ARID2: variants seen among roughly 807,000 people sequenced by gnomAD.
ARID2 encodes the protein AT-rich interactive domain-containing protein 2.
In ARID2, 32 loss-of-function variants were observed where a neutral mutation model predicts 184.6. That is an observed-to-expected ratio of 0.17 (90% CI 0.13 to 0.23). The LOEUF (loss-of-function observed/expected upper bound fraction) is 0.23. Ranked by LOEUF, ARID2 falls within the 10% of genes least tolerant of loss-of-function variation. The probability of loss-of-function intolerance (pLI) is 1.00; values close to 1 mark genes in which losing one functional copy is unlikely to be tolerated. For missense variants in ARID2, 1,696 were observed against 2,197.6 expected (o/e 0.77, Z 4.56); for synonymous variants, 836 against 772.6 (o/e 1.08, Z -1.36).
intron 16 of ARID2, among the ~76,000 whole-genome samples, chr12:45,887,813 C>T (rs35123): frequency 0.15 from 22,437 of 152,122 alleles, 1,998 homozygotes; most frequent in Admixed American, 0.21. Context: ...CAGGGATTCT[C>T]TGAGGAGCCC....
intron 3 of ARID2, among the ~76,000 whole-genome samples, chr12:45,796,359 T>A (rs1942393601): frequency 6.6e-6 from 1 of 152,170 alleles, no homozygotes; most frequent in Non-Finnish European, 1.5e-5. Context: ...AAACTTAGTA[T>A]AGTAGTTCCC....
chr12:45,844,584 G>C (rs1214615848), intron 11 of ARID2, among the ~76,000 whole-genome samples: 2 of 152,140 alleles, frequency 1.3e-5, no homozygotes, highest in African/African-American at 2.4e-5. Flanking sequence ...AGGCTTCATG[G>C]ATACTAATGT....
At chr12:45,735,227 T>C (rs1941085461) in intron 3 of ARID2, among the ~76,000 whole-genome samples, 1 of 152,178 alleles carries the variant, frequency 6.6e-6, no homozygotes, top group African/African-American at 2.4e-5. Flanking sequence ...GTGTCCACCA[T>C]ATAGATCAAT....
chr12:45,807,792 C>CA (rs1339779347), intron 3 of ARID2, among the ~76,000 whole-genome samples: 1 of 152,024 alleles, frequency 6.6e-6, no homozygotes, highest in Non-Finnish European at 1.5e-5. Context: ...ATTATGTGTC[C>CA]AATACCATCT....
intron 3 of ARID2, among the ~76,000 whole-genome samples, chr12:45,805,865 A>G (rs763595206): frequency 1.3e-5 from 2 of 152,084 alleles, no homozygotes; most frequent in Non-Finnish European, 2.9e-5. Flanking sequence ...GAACTTATTC[A>G]TATTGTAGCT....
intron 3 of ARID2, among the ~76,000 whole-genome samples, chr12:45,752,309 C>T (rs1467187468): frequency 2.0e-5 from 3 of 152,154 alleles, no homozygotes; most frequent in Admixed American, 6.5e-5. Context: ...CTCTGTCTCC[C>T]CTACTAAAAT....
At chr12:45,832,210 T>C (rs1486176804) in intron 6 of ARID2, among the ~76,000 whole-genome samples, 1 of 152,224 alleles carries the variant, frequency 6.6e-6, no homozygotes, top group Non-Finnish European at 1.5e-5. Flanking sequence ...GGGTTTTGTC[T>C]GAGCACTTTA....
At chr12:45,889,475 T>C (rs1944256416) in intron 16 of ARID2, among the ~76,000 whole-genome samples, 2 of 152,226 alleles carry the variant, frequency 1.3e-5, no homozygotes, top group South Asian at 4.1e-4. Context: ...TGGAGTAGTT[T>C]TAAGAACAGT....
At chr12:45,767,681 A>G (rs964912861) in intron 3 of ARID2, among the ~76,000 whole-genome samples, 4 of 152,170 alleles carry the variant, frequency 2.6e-5, no homozygotes, top group Non-Finnish European at 5.9e-5. Flanking sequence ...AAACAAAACA[A>G]AACTCTCAGT....
chr12:45,795,725 C>T (rs781332432), intron 3 of ARID2, among the ~76,000 whole-genome samples: 2 of 152,124 alleles, frequency 1.3e-5, no homozygotes, highest in East Asian at 1.9e-4. Context: ...CGTGAGCCCC[C>T]GCGCCTGGCC....
chr12:45,906,808 A>C lies in ARID2; in HGVS notation c.*1730A>C. 1 of 232,128 alleles carries C rather than the reference A, an allele frequency of 4.3e-6. No homozygotes were observed. Among genetic ancestry groups the C allele is most frequent in the Non-Finnish European group, 8.5e-6 (1 of 117,398 alleles). 14.4% of individuals were successfully genotyped at this position (232,128 alleles called of 1,614,324 possible). A position where few individuals can be genotyped will look rare whatever the true frequency, so the allele number is the denominator to read the frequency against. On this transcript the variant is annotated 3_prime_UTR_variant, in exon 21 of 21. Coordinates refer to ENST00000334344, the MANE Select transcript of ARID2 (RefSeq NM_152641.4). ...AAATGATTGATGCAGTTAAAGCTCAATATGCCTTTTTTTACTGGATACTGT... is the reference window on the plus strand; with the variant it reads ...AAATGATTGATGCAGTTAAAGCTCACTATGCCTTTTTTTACTGGATACTGT...
At chr12:45,782,464 T>C (rs1942112027) in intron 3 of ARID2, among the ~76,000 whole-genome samples, 1 of 152,046 alleles carries the variant, frequency 6.6e-6, no homozygotes, top group Admixed American at 6.6e-5. Flanking sequence ...AAAACCCGTC[T>C]CTACTGAAAA....
intron 16 of ARID2, among the ~76,000 whole-genome samples, chr12:45,875,783 T>C (rs1943999950): frequency 6.6e-6 from 1 of 152,224 alleles, no homozygotes; most frequent in South Asian, 2.1e-4. Flanking sequence ...TTCTGCAGCT[T>C]CTCTACCTCT....
chr12:45,829,492 AGTAT>A (rs1405660552), intron 6 of ARID2, among the ~76,000 whole-genome samples: 1 of 151,618 alleles, frequency 6.6e-6, no homozygotes, highest in Non-Finnish European at 1.5e-5. Context: ...CTCCCTTCTG[AGTAT>A]GTGTTTTTTT....
chr12:45,844,994 T>C (rs1207284734), intron 11 of ARID2, among the ~76,000 whole-genome samples: 1 of 152,176 alleles, frequency 6.6e-6, no homozygotes, highest in African/African-American at 2.4e-5. Context: ...ATCTGGAAAT[T>C]GATTCAAAGT....
At chr12:45,816,900 GA>G (rs1942813527) in intron 4 of ARID2, among the ~76,000 whole-genome samples, 1 of 152,230 alleles carries the variant, frequency 6.6e-6, no homozygotes. Context: ...AATTGAGCAT[GA>G]GAAACTTTTT....
chr12:45,905,940 CT>C lies in ARID2; in HGVS notation c.*873del, dbSNP rs1362533296. The stretch of plus-strand genomic sequence containing the variant: ...GAACTGTGATTTTTTTTTCTTTTTT[CT>C]TTTTTTTTTTCTTTTTTTTTTTGTA... On this transcript the variant is annotated 3_prime_UTR_variant, in exon 21 of 21. Transcript: ENST00000334344. The C allele has an allele frequency of 8.1e-3, 1,417 of 174,524 alleles. 2 individuals carry two copies. Among genetic ancestry groups the C allele is most frequent in the Middle Eastern group, 0.016 (8 of 504 alleles). 10.8% of individuals were successfully genotyped at this position (174,524 alleles called of 1,614,324 possible).
chr12:45,834,243 C>T (rs999672257), intron 6 of ARID2, among the ~76,000 whole-genome samples: 1 of 151,458 alleles, frequency 6.6e-6, no homozygotes, highest in African/African-American at 2.4e-5. Flanking sequence ...AAGTATTTTT[C>T]TAAATTTTAA....
intron 12 of ARID2, 53 bp from the exon 13 acceptor site, chr12:45,848,781 AAT>A: frequency 1.0e-5 from 15 of 1,455,876 alleles, no homozygotes; most frequent in Non-Finnish European, 1.3e-5. Context: ...AGTATATTTA[AAT>A]ATGGAGTTTC....
Sources: allele counts gnomAD v4.1 joint callset (sites outside exome capture counted in the v4.1 genomes callset), GRCh38; gene constraint gnomAD v4.1.1; transcripts MANE v1.5; gene names NCBI Gene and HGNC (gene_info 2026-07-23, HGNC 2026-07-21).